Variants in RAB5A observed in about 807,000 individuals in gnomAD.
The protein encoded by RAB5A is ras-related protein Rab-5A.
In RAB5A, 8 loss-of-function variants were observed where a neutral mutation model predicts 25.7. The ratio of observed to expected loss-of-function variants is 0.31; its 90% CI spans 0.18 to 0.56. The LOEUF is 0.56. Ranked by LOEUF, RAB5A falls within the 20% of genes least tolerant of loss-of-function variation. The pLI is 0.91. For missense variants in RAB5A, 192 were observed against 259.7 expected (o/e 0.74, Z 1.79); for synonymous variants, 98 against 89.8 (o/e 1.09, Z -0.52).
intron 4 of RAB5A, among the ~76,000 whole-genome samples, chr3:19,976,693 A>T (rs1409319116): frequency 6.6e-6 from 1 of 152,196 alleles, no homozygotes. Context: ...CTCAAAATAA[A>T]AAAGAAAAAC....
At chr3:19,978,527 G>A (rs1361719605) in intron 5 of RAB5A, 124 bp downstream of exon 5, 5 of 628,464 alleles carry the variant, frequency 8.0e-6, no homozygotes, top group South Asian at 4.0e-5. Flanking sequence ...TTATGTGTGT[G>A]TGTGAGAGAG....
At chr3:19,980,057 CT>C (rs1394798491) in intron 5 of RAB5A, 2 of 152,184 alleles carry the variant, frequency 1.3e-5, no homozygotes, top group Non-Finnish European at 2.9e-5. Flanking sequence ...CTCATGTAAA[CT>C]GTTTTCCTGA....
At chr3:19,979,429 A>G (rs1201168173) in intron 5 of RAB5A, among the ~76,000 whole-genome samples, 3 of 150,744 alleles carry the variant, frequency 2.0e-5, no homozygotes, top group Admixed American at 6.6e-5. Flanking sequence ...GACTACAGGC[A>G]CCCACCACCA....
rs1447971281 is a variant in RAB5A, at chr3:19,984,112, ACTGT to A, written c.*293_*296del. On this transcript the variant is annotated 3_prime_UTR_variant, in exon 6 of 6. Coordinates refer to ENST00000273047, the MANE Select transcript of RAB5A (RefSeq NM_004162.5). ...TCATCACTAGGAATATAGACAAATG[ACTGT>A]CTGGGCCCACACAGTTAACCAGCCC... The A allele has an allele frequency of 1.2e-5, 5 of 404,760 alleles. No homozygotes were observed. The highest frequency in any genetic ancestry group is 4.1e-5 in the Admixed American group (1 of 24,500). 25.1% of individuals were successfully genotyped at this position (404,760 alleles called of 1,614,324 possible).
chr3:19,976,299 A>G (rs1696824219), intron 4 of RAB5A, 130 bp downstream of exon 4: 2 of 1,010,944 alleles, frequency 2.0e-6, no homozygotes, highest in Non-Finnish European at 2.8e-6. Flanking sequence ...TAAAACAAAT[A>G]TAAAGTACTA....
intron 4 of RAB5A, among the ~76,000 whole-genome samples, 175 bp downstream of exon 4, chr3:19,976,344 T>TTAAATAGATTATTGTAATATA (rs1269838191): frequency 6.6e-6 from 1 of 152,238 alleles, no homozygotes; most frequent in African/African-American, 2.4e-5. Flanking sequence ...ACCTAAATTT[T>TTAAATAGATTATTGTAATATA]TAAATAGATT....
intron 4 of RAB5A, 41 bp from the exon 5 acceptor site, chr3:19,978,269 G>C: frequency 7.6e-7 from 1 of 1,321,362 alleles, no homozygotes; most frequent in Non-Finnish European, 1.1e-6. Flanking sequence ...GTATTTCCAA[G>C]AGATATATCT....
intron 2 of RAB5A, among the ~76,000 whole-genome samples, chr3:19,955,001 A>G (rs1247335316): frequency 6.6e-6 from 1 of 152,180 alleles, no homozygotes; most frequent in African/African-American, 2.4e-5. Context: ...TAGCCCAGAG[A>G]TTAGCAGGGA....
chr3:19,983,969 G>A lies in RAB5A; in HGVS notation c.*146G>A. 1 of 616,222 alleles carries A rather than the reference G, an allele frequency of 1.6e-6. No homozygotes were observed. The highest frequency in any genetic ancestry group is 2.9e-6 in the Non-Finnish European group (1 of 348,034). The allele number at this position is 616,222 out of a possible 1,614,324, so 38.2% of individuals were successfully genotyped here. ...TTTCTAATACAGAATTATTTTAAGT[G>A]TTTTGAACTTAATTTTTAATAACAT... On this transcript the variant is annotated 3_prime_UTR_variant, in exon 6 of 6. Coordinates refer to ENST00000273047, the MANE Select transcript of RAB5A (RefSeq NM_004162.5).
intron 5 of RAB5A, among the ~76,000 whole-genome samples, chr3:19,979,735 T>G (rs1051808250): frequency 2.6e-5 from 4 of 152,106 alleles, no homozygotes; most frequent in Admixed American, 1.3e-4. Context: ...CTCTTTCCAG[T>G]GGTTTTAATG....
chr3:19,950,091 A>G (rs73032477), intron 1 of RAB5A, among the ~76,000 whole-genome samples: 24,928 of 152,196 alleles, frequency 0.16, 2,692 homozygotes, highest in Non-Finnish European at 0.24. Flanking sequence ...AGACTACAAA[A>G]AAGTTACAAT....
chr3:19,966,952 T>A (rs1485641785), intron 2 of RAB5A, among the ~76,000 whole-genome samples: 1 of 152,116 alleles, frequency 6.6e-6, no homozygotes, highest in Non-Finnish European at 1.5e-5. Context: ...CATACCCCCA[T>A]GCCTGGCTAT....
At chr3:19,969,030 G>GTTTTTTTTTTTTTTT (rs202101955) in intron 2 of RAB5A, among the ~76,000 whole-genome samples, 40 of 112,146 alleles carry the variant, frequency 3.6e-4, no homozygotes, top group Non-Finnish European at 4.9e-4. Context: ...TTTTGGTTTT[G>GTTTTTTTTTTTTTTT]GTTTTTTTTT....
intron 2 of RAB5A, among the ~76,000 whole-genome samples, chr3:19,963,425 A>G (rs1023369836): frequency 4.4e-5 from 6 of 135,404 alleles, no homozygotes; most frequent in Non-Finnish European, 6.2e-5. Context: ...ACTGAACCCA[A>G]AGGAATTTTA....
chr3:19,952,669 GCAT>G (rs1696440799), intron 2 of RAB5A, among the ~76,000 whole-genome samples: 1 of 152,106 alleles, frequency 6.6e-6, no homozygotes, highest in African/African-American at 2.4e-5. Flanking sequence ...GCATCAGAAA[GCAT>G]CATGGAGCTT....
Position 19,950,985 on chromosome 3 carries a change from C to T in RAB5A, c.87C>T (p.Ser29=), listed in dbSNP as rs148447810. ...CQFKLVLLGE[S]AVGKSSLVLR... is the part of the protein sequence containing the mutation. ...TCAAACTAGTACTTCTGGGAGAGTC[C>T]GCTGTTGGCAAATCAAGCCTAGTGC... The change falls in exon 2 of 6, where the codon TCC becomes TCT. Residue 29 remains serine (S), a synonymous_variant. Transcript: ENST00000273047. 7.4e-6 allele frequency: 12 copies of T among 1,613,974 alleles called. No individual in the cohort carries two copies. Among genetic ancestry groups the T allele is most frequent in the South Asian group, 1.1e-5 (1 of 91,070 alleles).
At chr3:19,962,945 T>C (rs1696609225) in intron 2 of RAB5A, among the ~76,000 whole-genome samples, 1 of 152,118 alleles carries the variant, frequency 6.6e-6, no homozygotes, top group Non-Finnish European at 1.5e-5. Context: ...CCCAAATAGC[T>C]GGGACTACAG....
At position 19,978,296 on chromosome 3, in the gene RAB5A, TG is replaced by T. The variant is rs770699876; in HGVS notation, c.439-13del. 1.3e-6 allele frequency: 2 copies of T among 1,553,994 alleles called. No individual in the cohort carries two copies. Among genetic ancestry groups the T allele is most frequent in the African/African-American group, 2.7e-5 (2 of 73,544 alleles). On this transcript the variant is annotated splice_polypyrimidine_tract_variant and intron_variant, in intron 4 of 5. Coordinates refer to ENST00000273047, the MANE Select transcript of RAB5A (RefSeq NM_004162.5). Reference sequence around the variant, plus strand: ...GATATATCTCATATATCTCATTTTTTGTTCTGTAAACAGGAAGCACAGTCCT... The same window carrying T: ...GATATATCTCATATATCTCATTTTTTTTCTGTAAACAGGAAGCACAGTCCT...
chr3:19,981,252 T>G (rs9847217), intron 5 of RAB5A, among the ~76,000 whole-genome samples: 1 of 152,222 alleles, frequency 6.6e-6, no homozygotes, highest in African/African-American at 2.4e-5. Context: ...GAAAGTGATA[T>G]GCATTTAGTA....
Sources: gnomAD v4.1 joint callset for allele counts (sites outside exome capture counted in the v4.1 genomes callset) on GRCh38, gnomAD v4.1.1 for gene constraint, MANE v1.5 for transcripts, NCBI Gene and HGNC (gene_info 2026-07-23, HGNC 2026-07-21) for gene names.